The following RAPGEF1 variants were observed in gnomAD, a reference collection of about 807,000 sequenced individuals.
RAPGEF1 encodes the protein Rap guanine nucleotide exchange factor 1, also known as CRK SH3-binding GNRP.
Under a neutral mutation model 143.3 loss-of-function variants are expected in RAPGEF1, and 33 were observed. The ratio of observed to expected loss-of-function variants is 0.23; its 90% confidence interval spans 0.17 to 0.31. The LOEUF is 0.31. Ranked by LOEUF, RAPGEF1 falls within the 10% of genes least tolerant of loss-of-function variation. The pLI, the probability that RAPGEF1 is intolerant of heterozygous loss-of-function variation, is 1.00. For synonymous variants in RAPGEF1, 629 were observed against 676.5 expected, an observed-to-expected ratio of 0.93 and a Z score of 1.09; for missense variants, 1,199 against 1,645.4, an observed-to-expected ratio of 0.73 and a Z score of 4.69.
At position 131,583,787 on chromosome 9, in the gene RAPGEF1, G is replaced by A. The variant is rs1462108037; in HGVS notation, c.3414+524C>T. Among the ~76,000 whole-genome samples the A allele has an allele frequency of 1.3e-5, 2 of 152,182 alleles. No individual in the cohort carries two copies. Among genetic ancestry groups the A allele is most frequent in the Non-Finnish European group, 2.9e-5 (2 of 68,014 alleles). On this transcript the variant is annotated intron_variant, in intron 24 of 26. Transcript: ENST00000683357. This position sits in a 1 kb window ranked among gnomAD's most constrained non-coding sequence, Gnocchi z 4.7. ...TGCTGACCCCCACCTGCTCCTGGCT[G>A]TGCACTCCTTTGTCCCCTTTGATTC...
chr9:131,616,095 C>A (rs1332625500), intron 12 of RAPGEF1, among the ~76,000 whole-genome samples: 1 of 152,038 alleles, frequency 6.6e-6, no homozygotes, highest in Non-Finnish European at 1.5e-5. Context: ...GGTGAAACCC[C>A]ATCTCTACTA....
intron 1 of RAPGEF1, among the ~76,000 whole-genome samples, chr9:131,733,999 T>G (rs962741146): frequency 6.6e-6 from 1 of 152,244 alleles, no homozygotes; most frequent in Non-Finnish European, 1.5e-5. Flanking sequence ...CTGGCATTAG[T>G]GCTATTTCTT....
chr9:131,582,483 T>G, intron 25 of RAPGEF1, 122 bp downstream of exon 25: 1 of 657,696 alleles, frequency 1.5e-6, no homozygotes, highest in South Asian at 2.4e-5. Flanking sequence ...TAAAACCAAG[T>G]ACAAATGTCT....
chr9:131,647,040 AC>A (rs746206931), intron 3 of RAPGEF1, among the ~76,000 whole-genome samples: 1 of 151,974 alleles, frequency 6.6e-6, no homozygotes, highest in Non-Finnish European at 1.5e-5. Context: ...ACCTCCCAGG[AC>A]CCCCTGCTCA....
chr9:131,604,905 TGTGTGTGTGC>T lies in RAPGEF1; in HGVS notation c.2319+16_2319+25del, dbSNP rs1005355522. 2.3e-6 allele frequency: 3 copies of T among 1,287,780 alleles called. No homozygotes were observed. In the African/African-American group the frequency reaches 4.6e-5, roughly 20 times the overall value. The allele number at this position is 1,287,780 out of a possible 1,614,324, so 79.8% of individuals were successfully genotyped here. A position where few individuals can be genotyped will look rare whatever the true frequency, so the allele number is the denominator to read the frequency against. ...GCAGGGGTGTGTGTGTGTGTGTGTGTGTGTGTGTGCACGCTGAGTTCTCACCGAGTCAGTG... is the reference window on the plus strand; with the variant it reads ...GCAGGGGTGTGTGTGTGTGTGTGTGTACGCTGAGTTCTCACCGAGTCAGTG... On this transcript the variant is annotated intron_variant, in intron 13 of 26. Transcript: ENST00000683357.
chr9:131,652,316 T>C (rs1971273669), intron 1 of RAPGEF1, among the ~76,000 whole-genome samples: 1 of 152,180 alleles, frequency 6.6e-6, no homozygotes, highest in African/African-American at 2.4e-5. Context: ...AGTGGTGTGA[T>C]CACAGCTCAC....
intron 12 of RAPGEF1, among the ~76,000 whole-genome samples, chr9:131,608,383 TA>T (rs1171797260): frequency 2.0e-5 from 3 of 152,154 alleles, no homozygotes; most frequent in African/African-American, 7.2e-5. Flanking sequence ...GGCACTGTAT[TA>T]ATTAAGGTGT....
chr9:131,626,118 A>G lies in RAPGEF1; in HGVS notation c.1506T>C (p.Tyr502=). ...RVSYERHPSQ[Y]DNISGEDLQS... ...GCAGGTCCTCCCCAGAGATGTTGTC[A>G]TACTGCGAGGGATGCCGCTCGTAGG... Residue 502 remains tyrosine, a synonymous_variant, in exon 10 of 27, where the codon TAT becomes TAC. Coordinates refer to ENST00000683357, the MANE Select transcript of RAPGEF1 (RefSeq NM_001377935.1). 6.2e-7 allele frequency: 1 copy of G among 1,613,974 alleles called. No homozygotes were observed.
chr9:131,617,157 C>T (rs570849701), intron 12 of RAPGEF1, among the ~76,000 whole-genome samples: 1 of 152,266 alleles, frequency 6.6e-6, no homozygotes, highest in East Asian at 1.9e-4. Context: ...CCTAACTGCT[C>T]AAAAGGGATA....
At chr9:131,626,477 A>G in intron 9 of RAPGEF1, 55 bp from the exon 10 acceptor site, 1 of 1,500,356 alleles carries the variant, frequency 6.7e-7, no homozygotes, top group Non-Finnish European at 8.9e-7. Flanking sequence ...CTGCAGGAGC[A>G]GCCAGCTCCC....
chr9:131,703,810 G>A (rs1489519197), intron 1 of RAPGEF1, among the ~76,000 whole-genome samples: 3 of 152,188 alleles, frequency 2.0e-5, no homozygotes, highest in Non-Finnish European at 4.4e-5. Context: ...TTGATGCACA[G>A]CCTGCAAAGG....
chr9:131,736,240 A>T (rs928013), intron 1 of RAPGEF1, among the ~76,000 whole-genome samples: 2 of 152,060 alleles, frequency 1.3e-5, no homozygotes, highest in African/African-American at 2.4e-5. Context: ...TAATCTGTCC[A>T]GCTCTCTTCT....
intron 1 of RAPGEF1, chr9:131,725,193 A>G (rs1376203255): frequency 1.3e-5 from 2 of 152,380 alleles, no homozygotes; most frequent in Admixed American, 6.5e-5. Flanking sequence ...TATTTTGCCC[A>G]GGCTGTAGTG....
At chr9:131,688,380 G>A (rs577912082) in intron 1 of RAPGEF1, among the ~76,000 whole-genome samples, 23 of 152,158 alleles carry the variant, frequency 1.5e-4, no homozygotes, top group Non-Finnish European at 2.9e-4. Context: ...ACAGCAACAA[G>A]TGTCCTGTAT....
intron 12 of RAPGEF1, 86 bp downstream of exon 12, chr9:131,618,965 A>C: frequency 8.4e-7 from 1 of 1,195,384 alleles, no homozygotes; most frequent in South Asian, 1.3e-5. Flanking sequence ...CGCGACGGGC[A>C]GCAGAACACA....
chr9:131,603,666 A>C (rs1286862123), intron 14 of RAPGEF1, among the ~76,000 whole-genome samples: 2 of 152,166 alleles, frequency 1.3e-5, no homozygotes, highest in Non-Finnish European at 1.5e-5. Context: ...CACTAGATAC[A>C]CAGCCGGGGC....
chr9:131,630,168 A>T, intron 6 of RAPGEF1, 68 bp downstream of exon 6: 3 of 1,476,958 alleles, frequency 2.0e-6, no homozygotes, highest in Non-Finnish European at 2.8e-6. Context: ...ACCGGGCCCT[A>T]TCCTTGTCAA....
At chr9:131,586,257 A>AACAC (rs55722149) in intron 22 of RAPGEF1, among the ~76,000 whole-genome samples, 11,928 of 91,182 alleles carry the variant, frequency 0.13, 1,388 homozygotes, top group Middle Eastern at 0.27. Flanking sequence ...CTCTGTCTCA[A>AACAC]ACACACACAC....
Position 131,583,097 on chromosome 9 carries a change from G to A in RAPGEF1, c.3415-395C>T, listed in dbSNP as rs1952132491. On this transcript the variant is annotated intron_variant, in intron 24 of 26. Transcript: ENST00000683357. This position sits in a 1 kb window ranked among gnomAD's most constrained non-coding sequence, Gnocchi z 4.7. Reference sequence around the variant, plus strand: ...TGAGTGGCGTCACTCCTGACTCGGAGCTGCCTTTGCTCTGCCCTGTACTCA... The same window carrying A: ...TGAGTGGCGTCACTCCTGACTCGGAACTGCCTTTGCTCTGCCCTGTACTCA... Among the ~76,000 whole-genome samples, 1 of 152,194 alleles carries A rather than the reference G, an allele frequency of 6.6e-6. No homozygotes were observed. The highest frequency in any genetic ancestry group is 1.5e-5 in the Non-Finnish European group (1 of 68,030).
Sources: allele counts gnomAD v4.1 joint callset (sites outside exome capture counted in the v4.1 genomes callset), GRCh38; gene constraint gnomAD v4.1.1; non-coding constraint Gnocchi (gnomAD v3.1); transcripts MANE v1.5; gene names NCBI Gene and HGNC (gene_info 2026-07-23, HGNC 2026-07-21).